The following SPTBN4 variants were observed in gnomAD, a reference collection of about 807,000 sequenced individuals.
SPTBN4 encodes the protein spectrin beta chain, non-erythrocytic 4.
A neutral mutation model predicts 277.8 loss-of-function variants in SPTBN4; 96 were observed. The observed-to-expected ratio is 0.35, with a 90% CI of 0.29 to 0.41. The LOEUF (loss-of-function observed/expected upper bound fraction) is 0.41. SPTBN4 is among the 10% of genes least tolerant of loss of function. The pLI, the probability that SPTBN4 is intolerant of heterozygous loss-of-function variation, is 1.00. For missense variants in SPTBN4, 3,006 were observed against 3,595.7 expected (o/e 0.84, Z 4.19); for synonymous variants, 1,481 against 1,580.3 (o/e 0.94, Z 1.49).
intron 22 of SPTBN4, among the ~76,000 whole-genome samples, chr19:40,550,965 A>G (rs996170598): frequency 3.3e-5 from 5 of 152,182 alleles, no homozygotes; most frequent in Non-Finnish European, 5.9e-5. Context: ...TCTCAGGAAT[A>G]ACTCTCATTG....
In SPTBN4 at chr19:40,572,207, G is replaced by A. The variant is rs766096811; in HGVS notation, c.7493+15G>A. Reference sequence around the variant, plus strand: ...TTCAAGCTCCAGTGAGCCCCCCAATGGGCAGGAGGGAGGGATCCAAGGCTC... The same window carrying A: ...TTCAAGCTCCAGTGAGCCCCCCAATAGGCAGGAGGGAGGGATCCAAGGCTC... On this transcript the variant is annotated intron_variant, in intron 34 of 35. Transcript: ENST00000598249. The A allele has an allele frequency of 5.0e-6, 8 of 1,594,102 alleles. No homozygotes were observed. Among genetic ancestry groups the A allele is most frequent in the South Asian group, 1.1e-5 (1 of 89,210 alleles).
intron 25 of SPTBN4, 82 bp from the exon 26 acceptor site, chr19:40,556,941 A>G (rs1403640650): frequency 6.8e-7 from 1 of 1,475,192 alleles, no homozygotes; most frequent in Non-Finnish European, 9.0e-7. Context: ...AAGAAAAAAA[A>G]ACATTGTAGG....
intron 2 of SPTBN4, among the ~76,000 whole-genome samples, chr19:40,478,161 T>C (rs1821477503): frequency 6.6e-6 from 1 of 152,050 alleles, no homozygotes; most frequent in Non-Finnish European, 1.5e-5. Flanking sequence ...TTAAAGGGCC[T>C]TGCGGGGTAC....
rs537262405 is a variant in SPTBN4, at chr19:40,565,631, A to T, written c.6055-30A>T. On this transcript the variant is annotated intron_variant, in intron 28 of 35. Transcript: ENST00000598249. ...GGGGTGGAAGCCATTCCACACCCTG[A>T]CTTCCCTCCCACCCACCTGCCACTC... The T allele has an allele frequency of 5.3e-5, 83 of 1,558,564 alleles. No individual in the cohort carries two copies. The East Asian group carries it at 1.9e-3, about 36-fold the overall frequency.
chr19:40,471,332 C>T (rs1042050608), intron 1 of SPTBN4, among the ~76,000 whole-genome samples: 7 of 152,142 alleles, frequency 4.6e-5, no homozygotes, highest in African/African-American at 1.7e-4. Flanking sequence ...CAGTTTCCTC[C>T]TCTGTAAAAT....
Position 40,468,236 on chromosome 19 carries a change from C to T in SPTBN4, c.-16+931C>T, listed in dbSNP as rs2079848710. Reference sequence around the variant, plus strand: ...GGGATTACGGGCATGAGCTACCATGCCTGGCTAATTTTGAATTTTTAGTAG... The same window carrying T: ...GGGATTACGGGCATGAGCTACCATGTCTGGCTAATTTTGAATTTTTAGTAG... On this transcript the variant is annotated intron_variant, in intron 1 of 35. Transcript: ENST00000598249. Among the ~76,000 whole-genome samples the T allele has an allele frequency of 2.6e-5, 4 of 152,112 alleles. No homozygotes were observed. The South Asian group carries it at 6.2e-4, about 24-fold the overall frequency.
At chr19:40,510,591 C>G (rs1408767609) in intron 13 of SPTBN4, among the ~76,000 whole-genome samples, 1 of 152,214 alleles carries the variant, frequency 6.6e-6, no homozygotes, top group African/African-American at 2.4e-5. Context: ...GTGTAAGCCA[C>G]TGCGCCTAGC....
intron 1 of SPTBN4, among the ~76,000 whole-genome samples, chr19:40,469,670 GTC>G (rs982484006): frequency 6.6e-6 from 1 of 151,480 alleles, no homozygotes; most frequent in Non-Finnish European, 1.5e-5. Context: ...TTGAGATGGA[GTC>G]TCACTCTCTC....
Position 40,504,037 on chromosome 19 carries a change from G to T in SPTBN4, c.1570G>T (p.Val524Leu), listed in dbSNP as rs746477778. The T allele has an allele frequency of 8.7e-6, 14 of 1,613,830 alleles. No individual in the cohort carries two copies. The Admixed American group carries it at 1.3e-4, about 15-fold the overall frequency. ...CCAGTGGGCCCTGCTAACTGGGCTT[G>T]TGGGTGCCCGGCGGACACGACTTGA... is the stretch of plus-strand genomic sequence containing the variant. ...LRQWALLTGL[V>L]GARRTRLEQN... The change falls in exon 12 of 36, where the codon GTG becomes TTG. Residue 524 changes from valine to leucine, a missense_variant. Val to Leu is a conservative substitution (Grantham distance 32). Around this residue, in one of 5 missense-constraint regions of SPTBN4, gnomAD observed 1,759 missense variants for 2,061.5 expected, o/e 0.85. Transcript: ENST00000598249.
At chr19:40,474,234 G>A (rs2079921773) in intron 2 of SPTBN4, among the ~76,000 whole-genome samples, 1 of 141,148 alleles carries the variant, frequency 7.1e-6, no homozygotes, top group Non-Finnish European at 1.5e-5. Flanking sequence ...TTTAGTCATT[G>A]TTCCCTAGGA....
rs559125387 is a variant in SPTBN4, at chr19:40,470,643, T to C, written c.-15-1964T>C. On this transcript the variant is annotated intron_variant, in intron 1 of 35. Transcript: ENST00000598249. ...AATTTTTCTTCTTCTTCTTCTTCTTTTTTTCTTGAGAATGAGTCTTACTCT... is the reference window on the plus strand; with the variant it reads ...AATTTTTCTTCTTCTTCTTCTTCTTCTTTTCTTGAGAATGAGTCTTACTCT... Among the ~76,000 whole-genome samples, 58 of 151,340 alleles carry C rather than the reference T, an allele frequency of 3.8e-4. No homozygotes were observed. In the South Asian group the frequency reaches 0.011, roughly 28 times the overall value.
chr19:40,492,969 G>A lies in SPTBN4; in HGVS notation c.502G>A (p.Val168Ile). 6.2e-7 allele frequency: 1 copy of A among 1,613,986 alleles called. No homozygotes were observed. Among genetic ancestry groups the A allele is most frequent in the Non-Finnish European group, 8.5e-7 (1 of 1,179,922 alleles). Reference sequence around the variant, plus strand: ...ATTTTTTGTATCTTCACAGATTCAAGTCATCAAAATTGAGACTGAGGACAA... The same window carrying A: ...ATTTTTTGTATCTTCACAGATTCAAATCATCAAAATTGAGACTGAGGACAA... ...WTIILRFQIQ[V>I]IKIETEDNRE... The change falls in exon 5 of 36, where the codon GTC becomes ATC. Residue 168 changes from valine (V) to isoleucine (I), a missense_variant. Around this residue, in one of 5 missense-constraint regions of SPTBN4, gnomAD observed 114 missense variants for 196.1 expected, o/e 0.58. Transcript: ENST00000598249.
intron 30 of SPTBN4, 34 bp downstream of exon 30, chr19:40,566,393 C>T: frequency 6.8e-7 from 1 of 1,470,220 alleles, no homozygotes; most frequent in Non-Finnish European, 9.0e-7. Flanking sequence ...ATTACCCCCA[C>T]CCCCACCAAG....
chr19:40,476,958 C>G (rs2079955517), intron 2 of SPTBN4, among the ~76,000 whole-genome samples: 1 of 151,766 alleles, frequency 6.6e-6, no homozygotes, highest in Non-Finnish European at 1.5e-5. Flanking sequence ...TCTCAAACTC[C>G]CGGTGTCAAC....
intron 4 of SPTBN4, among the ~76,000 whole-genome samples, chr19:40,491,625 C>G (rs547751508): frequency 1.3e-5 from 2 of 149,676 alleles, no homozygotes; most frequent in Non-Finnish European, 3.0e-5. Flanking sequence ...GCCTGTAATC[C>G]CAGCGACTCA....
chr19:40,504,329 G>A (rs1053004691), intron 12 of SPTBN4, among the ~76,000 whole-genome samples, 197 bp downstream of exon 12: 1 of 151,964 alleles, frequency 6.6e-6, no homozygotes, highest in African/African-American at 2.4e-5. Flanking sequence ...AAGAGAGGCA[G>A]ACAAAGAAAC....
intron 18 of SPTBN4, among the ~76,000 whole-genome samples, chr19:40,530,132 G>T (rs1227048308): frequency 6.6e-6 from 1 of 151,968 alleles, no homozygotes; most frequent in African/African-American, 2.4e-5. Flanking sequence ...CTGTCCACAT[G>T]TGGTGGCCAG....
At chr19:40,562,197 G>A (rs892882071) in intron 27 of SPTBN4, among the ~76,000 whole-genome samples, 9 of 152,156 alleles carry the variant, frequency 5.9e-5, no homozygotes, top group Non-Finnish European at 1.0e-4. Context: ...GGAGCCATGC[G>A]AGAGTTTAGA....
At chr19:40,473,225 T>C (rs916462013) in intron 2 of SPTBN4, among the ~76,000 whole-genome samples, 1 of 152,116 alleles carries the variant, frequency 6.6e-6, no homozygotes, top group Non-Finnish European at 1.5e-5. Context: ...TCTTTTTGTA[T>C]TTTTAGTAGA....
Sources: gnomAD v4.1 joint callset for allele counts (sites outside exome capture counted in the v4.1 genomes callset) on GRCh38, gnomAD v4.1.1 for gene constraint, gnomAD v4.1.1 regional missense constraint, MANE v1.5 for transcripts, NCBI Gene and HGNC (gene_info 2026-07-23, HGNC 2026-07-21) for gene names.